ITGAE: variants seen among roughly 807,000 people sequenced by gnomAD.
The protein encoded by ITGAE is integrin alpha-E.
ITGAE carries 99 observed loss-of-function variants against 136.5 expected under a neutral mutation model. The observed-to-expected ratio is 0.73, with a 90% CI of 0.62 to 0.86. The LOEUF (loss-of-function observed/expected upper bound fraction) is 0.86. ITGAE is among the 40% of genes least tolerant of loss of function. ITGAE has a pLI of 0.00. For missense variants in ITGAE, 1,447 were observed against 1,515.3 expected, an observed-to-expected ratio of 0.95 and a Z score of 0.75; for synonymous variants, 613 against 591.8, an observed-to-expected ratio of 1.04 and a Z score of -0.52.
At chr17:3,800,448 C>T (rs776738082) in intron 1 of ITGAE, among the ~76,000 whole-genome samples, 3 of 152,226 alleles carry the variant, frequency 2.0e-5, no homozygotes, top group Admixed American at 6.5e-5. Context: ...CAGGGGCTCA[C>T]CTGACCGTGC....
intron 1 of ITGAE, among the ~76,000 whole-genome samples, chr17:3,780,338 A>G (rs2052637663): frequency 6.6e-6 from 1 of 151,684 alleles, no homozygotes; most frequent in Non-Finnish European, 1.5e-5. Context: ...AATTTTTTGT[A>G]TTTTTAGTAG....
chr17:3,757,462 C>T (rs1322061874), intron 9 of ITGAE, among the ~76,000 whole-genome samples: 1 of 152,202 alleles, frequency 6.6e-6, no homozygotes, highest in Non-Finnish European at 1.5e-5. Flanking sequence ...CACCGCGGTC[C>T]TCCAGGAACC....
rs562008137 is a variant in ITGAE, at chr17:3,739,931, C to T, written c.2449-53G>A. The stretch of plus-strand genomic sequence containing the variant: ...GCCCAGGCTCCGCCTTCCCCAGCAG[C>T]CCTGCCTCCGGCTCTTCTCCTTATA... On this transcript the variant is annotated intron_variant, in intron 19 of 30. Transcript: ENST00000263087. 19 of 1,449,900 alleles carry T rather than the reference C, an allele frequency of 1.3e-5. No homozygotes were observed. The South Asian group carries it at 2.1e-4, about 16-fold the overall frequency. 89.8% of individuals were successfully genotyped at this position (1,449,900 alleles called of 1,614,324 possible). A position where few individuals can be genotyped will look rare whatever the true frequency, so the allele number is the denominator to read the frequency against.
At chr17:3,759,814 G>A (rs2143081306) in intron 7 of ITGAE, among the ~76,000 whole-genome samples, 1 of 152,330 alleles carries the variant, frequency 6.6e-6, no homozygotes, top group Non-Finnish European at 1.5e-5. Context: ...TCATGTGACT[G>A]GCTTTGGCCA....
intron 1 of ITGAE, among the ~76,000 whole-genome samples, chr17:3,797,464 C>CTTT (rs573506680): frequency 0.02 from 2,252 of 114,694 alleles, 84 homozygotes; most frequent in East Asian, 0.081. Flanking sequence ...TGCGCCTGGC[C>CTTT]TTTTTTTTTT....
chr17:3,743,419 T>A (rs1300145622), intron 19 of ITGAE, 70 bp downstream of exon 19: 1 of 1,477,946 alleles, frequency 6.8e-7, no homozygotes, highest in Non-Finnish European at 9.0e-7. Flanking sequence ...TTCTTGGAAG[T>A]TAGGGGAGCA....
chr17:3,759,896 A>G (rs966213070), intron 7 of ITGAE, among the ~76,000 whole-genome samples: 4 of 152,178 alleles, frequency 2.6e-5, no homozygotes, highest in Admixed American at 1.3e-4. Flanking sequence ...TGGCCCTCTT[A>G]GAATGTTGCT....
intron 21 of ITGAE, among the ~76,000 whole-genome samples, chr17:3,732,858 G>A (rs1192241938): frequency 2.6e-5 from 4 of 152,296 alleles, no homozygotes; most frequent in Non-Finnish European, 4.4e-5. Flanking sequence ...GCACTGCCAC[G>A]TAGCCACCAG....
chr17:3,725,666 G>A, intron 26 of ITGAE: 1 of 1,593,314 alleles, frequency 6.3e-7, no homozygotes, highest in Non-Finnish European at 8.6e-7. Flanking sequence ...TCAAAGCCTG[G>A]GATCACTATA....
intron 26 of ITGAE, 138 bp from the exon 27 acceptor site, chr17:3,723,882 G>T: frequency 6.6e-7 from 1 of 1,522,106 alleles, no homozygotes; most frequent in Non-Finnish European, 8.8e-7. Flanking sequence ...GCGCGTCCGC[G>T]TCGCACGGAA....
chr17:3,727,606 A>G (rs866354765), intron 26 of ITGAE, among the ~76,000 whole-genome samples: 15 of 151,872 alleles, frequency 9.9e-5, no homozygotes, highest in African/African-American at 3.1e-4. Context: ...TCACCGTGTT[A>G]GCCAGGATGG....
In ITGAE at chr17:3,798,625, G is replaced by A. The variant is rs1231366736; in HGVS notation, c.34+2486C>T. On this transcript the variant is annotated intron_variant, in intron 1 of 30. Transcript: ENST00000263087. The surrounding 1 kb of genome is among the most constrained non-coding windows in gnomAD (Gnocchi z 4.3). ...AGGCCCGGGGTGATGCCCCGGCACA[G>A]CCCCTGGCCTCAGCCCGAGTGCGTG... 1.3e-5 allele frequency among the ~76,000 whole-genome samples: 2 copies of A among 152,178 alleles called. No individual in the cohort carries two copies. Among genetic ancestry groups the A allele is most frequent in the Non-Finnish European group, 2.9e-5 (2 of 68,022 alleles).
chr17:3,727,832 C>CT (rs1254635342), intron 26 of ITGAE, 87 bp downstream of exon 26: 1 of 874,892 alleles, frequency 1.1e-6, no homozygotes, highest in Non-Finnish European at 1.9e-6. Context: ...TGTCTTCACT[C>CT]TGTTTCTAGA....
At chr17:3,737,925 T>A (rs2051496270) in intron 20 of ITGAE, among the ~76,000 whole-genome samples, 1 of 152,212 alleles carries the variant, frequency 6.6e-6, no homozygotes, top group Non-Finnish European at 1.5e-5. Context: ...CCCCAGTAGC[T>A]GGCTGGGAGG....
intron 26 of ITGAE, chr17:3,725,088 A>G: frequency 1.9e-6 from 3 of 1,614,210 alleles, no homozygotes; most frequent in Non-Finnish European, 2.5e-6. Flanking sequence ...GACCAAAACC[A>G]GGGCTTCCTT....
Position 3,747,936 on chromosome 17 carries a change from G to A in ITGAE, c.2141C>T (p.Thr714Ile), listed in dbSNP as rs2051756774. The change falls in exon 17 of 31, where the codon ACA becomes ATA. Residue 714 changes from threonine (T) to isoleucine (I), a missense_variant. Physicochemically the swap from Thr to Ile is moderately conservative, Grantham distance 89. This residue lies in a region of ITGAE where 1,031 missense variants were observed against 1,011.4 expected (regional missense o/e 1.02). Transcript: ENST00000263087. ...CATTTTTTTACCTGACTCAGAGGCTGTGGTTACAGAGCTGATTTCAAAACA... is the reference window on the plus strand; with the variant it reads ...CATTTTTTTACCTGACTCAGAGGCTATGGTTACAGAGCTGATTTCAAAACA... ...RLCFEISSVT[T>I]ASESGLREAL... 1 of 1,609,064 alleles carries A rather than the reference G, an allele frequency of 6.2e-7. No homozygotes were observed. Among genetic ancestry groups the A allele is most frequent in the South Asian group, 1.1e-5 (1 of 90,996 alleles).
intron 15 of ITGAE, among the ~76,000 whole-genome samples, chr17:3,750,902 G>T (rs1384345798): frequency 6.6e-6 from 1 of 152,250 alleles, no homozygotes; most frequent in South Asian, 2.1e-4. Context: ...GGTGGAAGAT[G>T]GAGAGGAGGA....
At chr17:3,752,294 T>C (rs944413470) in intron 14 of ITGAE, among the ~76,000 whole-genome samples, 4 of 152,218 alleles carry the variant, frequency 2.6e-5, no homozygotes, top group Admixed American at 2.6e-4. Context: ...CACTCGTGGC[T>C]CTGCCACACA....
At position 3,753,356 on chromosome 17, in the gene ITGAE, C is replaced by A; in HGVS notation, c.1602G>T (p.Val534=). The A allele has an allele frequency of 6.2e-7, 1 of 1,614,206 alleles. No homozygotes were observed. The highest frequency in any genetic ancestry group is 1.3e-5 in the African/African-American group (1 of 75,042). The change falls in exon 14 of 31, where the codon GTG becomes GTT. Residue 534 remains valine, a synonymous_variant. Coordinates refer to ENST00000263087, the MANE Select transcript of ITGAE (RefSeq NM_002208.5). ...CATGAACGTGGTAAAATGGAGCAGC[C>A]ACCAGCAAGAAGTCCGTGCTTCCAT... The part of the protein sequence containing the change: ...DMDGSTDFLL[V]AAPFYHVHGE...
Sources: gnomAD v4.1 joint callset for allele counts (sites outside exome capture counted in the v4.1 genomes callset) on GRCh38, gnomAD v4.1.1 for gene constraint, gnomAD v4.1.1 regional missense constraint, Gnocchi (gnomAD v3.1) non-coding constraint, MANE v1.5 for transcripts, NCBI Gene and HGNC (gene_info 2026-07-23, HGNC 2026-07-21) for gene names.